TFDP2: variants seen among roughly 807,000 people sequenced by gnomAD.
TFDP2 encodes the protein transcription factor Dp-2 (E2F dimerization partner 2).
In TFDP2, 17 loss-of-function variants were observed where a neutral mutation model predicts 59.3. The ratio of observed to expected loss-of-function variants is 0.29; its 90% CI spans 0.20 to 0.43. TFDP2 has a LOEUF of 0.43. Among genes scored for constraint, TFDP2 ranks in the 20% least tolerant of loss-of-function variants. The pLI is 1.00. For missense variants in TFDP2, 391 were observed against 528.8 expected (o/e 0.74, Z 2.56); for synonymous variants, 180 against 194.7 (o/e 0.92, Z 0.63).
At chr3:142,002,990 C>A (rs1323657199) in intron 4 of TFDP2, among the ~76,000 whole-genome samples, 3 of 151,646 alleles carry the variant, frequency 2.0e-5, no homozygotes, top group Middle Eastern at 6.3e-3. Context: ...CAGAAGGGGG[C>A]AAAGAGCTCC....
chr3:142,076,210 CA>C (rs56018016), intron 3 of TFDP2, among the ~76,000 whole-genome samples: 89,850 of 112,106 alleles, frequency 0.8, 34,727 homozygotes, highest in African/African-American at 0.9. Context: ...GACTCCGTCT[CA>C]AAAAAAAAAA....
intron 3 of TFDP2, among the ~76,000 whole-genome samples, chr3:142,057,620 A>T (rs1020893034): frequency 6.6e-6 from 1 of 152,260 alleles, no homozygotes; most frequent in East Asian, 1.9e-4. Flanking sequence ...TCTGAGTGCT[A>T]TGAATTCCAT....
chr3:142,079,968 T>C (rs2060580667), intron 3 of TFDP2, among the ~76,000 whole-genome samples: 1 of 152,206 alleles, frequency 6.6e-6, no homozygotes, highest in Admixed American at 6.5e-5. Flanking sequence ...AACTCACTTA[T>C]TTTTAATTTT....
chr3:141,979,440 G>T (rs1234409716), intron 6 of TFDP2, among the ~76,000 whole-genome samples: 1 of 152,122 alleles, frequency 6.6e-6, no homozygotes, highest in Non-Finnish European at 1.5e-5. Flanking sequence ...AATCCTTCAG[G>T]AGGTATCCAG....
At chr3:142,013,521 T>C (rs1944885675) in intron 3 of TFDP2, among the ~76,000 whole-genome samples, 1 of 152,234 alleles carries the variant, frequency 6.6e-6, no homozygotes, top group Non-Finnish European at 1.5e-5. Flanking sequence ...AGCTCGACAC[T>C]GTCCAGAAAC....
intron 1 of TFDP2, among the ~76,000 whole-genome samples, chr3:142,143,653 C>T (rs2063042734): frequency 6.6e-6 from 1 of 152,176 alleles, no homozygotes. Context: ...CGAAAAGGTG[C>T]TCAACATTGC....
At chr3:141,976,411 A>G (rs1370459502) in intron 7 of TFDP2, among the ~76,000 whole-genome samples, 1 of 152,206 alleles carries the variant, frequency 6.6e-6, no homozygotes, top group Non-Finnish European at 1.5e-5. Context: ...GAATAAAGAG[A>G]AAAAAACTCA....
At chr3:142,131,209 G>A (rs2062492013) in intron 1 of TFDP2, among the ~76,000 whole-genome samples, 1 of 150,092 alleles carries the variant, frequency 6.7e-6, no homozygotes, top group Non-Finnish European at 1.5e-5. Context: ...TGAGGATAAA[G>A]AAGATAGTGA....
intron 2 of TFDP2, among the ~76,000 whole-genome samples, chr3:142,100,395 G>A (rs1160107823): frequency 6.6e-6 from 1 of 151,786 alleles, no homozygotes; most frequent in African/African-American, 2.4e-5. Flanking sequence ...TTCTTGAGAC[G>A]AAGTCTCGCT....
chr3:141,996,143 T>C (rs568329615), intron 4 of TFDP2, among the ~76,000 whole-genome samples: 1 of 152,234 alleles, frequency 6.6e-6, no homozygotes, highest in South Asian at 2.1e-4. Context: ...GAAAGGTACC[T>C]TATATGTGTT....
chr3:142,036,614 T>A (rs1946706649), intron 3 of TFDP2, among the ~76,000 whole-genome samples: 2 of 152,180 alleles, frequency 1.3e-5, no homozygotes, highest in South Asian at 4.1e-4. Flanking sequence ...TCAATAAATA[T>A]CTATTAATAA....
chr3:141,997,966 T>C (rs1943434347), intron 4 of TFDP2, among the ~76,000 whole-genome samples: 1 of 152,106 alleles, frequency 6.6e-6, no homozygotes, highest in African/African-American at 2.4e-5. Flanking sequence ...GAATTCTAGT[T>C]TACATTTTCT....
intron 1 of TFDP2, among the ~76,000 whole-genome samples, chr3:142,134,426 T>C (rs1298506248): frequency 1.3e-5 from 2 of 151,858 alleles, no homozygotes; most frequent in East Asian, 3.9e-4. Context: ...AAAAGCAGAC[T>C]GGTTACTTAA....
intron 10 of TFDP2, among the ~76,000 whole-genome samples, chr3:141,962,073 C>T (rs1205948012): frequency 1.3e-5 from 2 of 151,960 alleles, no homozygotes; most frequent in African/African-American, 4.8e-5. Context: ...CTCAGCCTCC[C>T]GAGTAGCTGG....
chr3:141,984,540 A>C (rs1236280500), intron 6 of TFDP2, among the ~76,000 whole-genome samples: 1 of 152,224 alleles, frequency 6.6e-6, no homozygotes, highest in Non-Finnish European at 1.5e-5. Context: ...ATATGAAATC[A>C]AATTATAGTC....
intron 1 of TFDP2, among the ~76,000 whole-genome samples, chr3:142,126,919 C>A (rs1213244753): frequency 2.2e-5 from 3 of 139,018 alleles, no homozygotes; most frequent in African/African-American, 8.0e-5. Context: ...GCACTCCAGT[C>A]TGGGTGACAG....
intron 3 of TFDP2, among the ~76,000 whole-genome samples, chr3:142,012,252 C>T (rs771995237): frequency 6.6e-6 from 1 of 152,104 alleles, no homozygotes; most frequent in African/African-American, 2.4e-5. Context: ...GACTTCATGA[C>T]CTGCCTGCCT....
At chr3:142,061,977 A>G (rs73232659) in intron 3 of TFDP2, among the ~76,000 whole-genome samples, 12,595 of 151,200 alleles carry the variant, frequency 0.083, 676 homozygotes, top group Middle Eastern at 0.14. Flanking sequence ...TTCAAACTGT[A>G]CAGGTACACT....
intron 3 of TFDP2, among the ~76,000 whole-genome samples, chr3:142,012,463 A>G (rs997272520): frequency 6.6e-6 from 1 of 152,220 alleles, no homozygotes; most frequent in African/African-American, 2.4e-5. Context: ...ATACTCTAAT[A>G]AACTAGGCAG....
Sources: gnomAD v4.1 joint callset for allele counts (sites outside exome capture counted in the v4.1 genomes callset) on GRCh38, gnomAD v4.1.1 for gene constraint, MANE v1.5 for transcripts, NCBI Gene and HGNC (gene_info 2026-07-23, HGNC 2026-07-21) for gene names.